Variants in MBD5 observed in about 807,000 individuals in gnomAD.
MBD5 encodes methyl-CpG-binding domain protein 5.
MBD5 carries 13 observed loss-of-function variants against 117.3 expected under a neutral mutation model. The ratio of observed to expected loss-of-function variants is 0.11; its 90% CI spans 0.07 to 0.18. The LOEUF (loss-of-function observed/expected upper bound fraction) is 0.18, where lower values mean the gene tolerates loss of function less well. MBD5 is among the 10% of genes least tolerant of loss of function. The probability of loss-of-function intolerance (pLI) is 1.00; values close to 1 mark genes in which losing one functional copy is unlikely to be tolerated. For missense variants in MBD5, 1,879 were observed against 2,093.8 expected (o/e 0.90, Z 2.00); for synonymous variants, 727 against 766.4 (o/e 0.95, Z 0.85).
chr2:148,100,340 C>T (rs770257741), intron 1 of MBD5, among the ~76,000 whole-genome samples: 2 of 152,150 alleles, frequency 1.3e-5, no homozygotes, highest in African/African-American at 4.8e-5. Context: ...TCAGATTTTC[C>T]TATAAGTTCA....
chr2:148,489,425 A>T lies in MBD5; in HGVS notation c.3793A>T (p.Ile1265Leu), dbSNP rs774513612. The T allele has an allele frequency of 1.3e-5, 21 of 1,614,102 alleles. No homozygotes were observed. The Admixed American group carries it at 2.2e-4, about 17-fold the overall frequency. Residue 1265 changes from isoleucine (I) to leucine (L), a missense_variant, in exon 11 of 14, where the codon ATA becomes TTA. Ile to Leu is a conservative substitution (Grantham distance 5). This residue lies in a region of MBD5 where 1,666 missense variants were observed against 1,792.2 expected (regional missense o/e 0.93). Coordinates refer to ENST00000642680, the MANE Select transcript of MBD5 (RefSeq NM_001378120.1). ...QEDAALLNKRISTQPGLTALP... is the reference protein window; with the variant it reads ...QEDAALLNKRLSTQPGLTALP... ...AGATGCAGCTCTCCTAAACAAAAGA[A>T]TAAGCACTCAGCCTGGGCTCACAGC...
chr2:148,405,163 A>G (rs1705038048), intron 4 of MBD5, among the ~76,000 whole-genome samples: 1 of 152,174 alleles, frequency 6.6e-6, no homozygotes, highest in Non-Finnish European at 1.5e-5. Context: ...TGTGCTAAGC[A>G]CTGGAAATAA....
intron 2 of MBD5, among the ~76,000 whole-genome samples, chr2:148,194,760 TAAGAAAA>T (rs1372185709): frequency 8.8e-4 from 22 of 25,104 alleles, no homozygotes; most frequent in African/African-American, 1.0e-3. Flanking sequence ...TAGAGTATAA[TAAGAAAA>T]AAAAAAAAAT....
intron 4 of MBD5, among the ~76,000 whole-genome samples, chr2:148,380,563 A>T (rs1321763517): frequency 6.6e-6 from 1 of 152,214 alleles, no homozygotes; most frequent in Non-Finnish European, 1.5e-5. Flanking sequence ...AACATGTAAA[A>T]TTTATATATA....
chr2:148,466,964 T>G (rs1218185913), intron 7 of MBD5, among the ~76,000 whole-genome samples: 2 of 152,202 alleles, frequency 1.3e-5, no homozygotes, highest in African/African-American at 4.8e-5. Context: ...TAATCTTAAA[T>G]GTGTAATTAT....
At chr2:148,456,780 T>C (rs940538830) in intron 4 of MBD5, among the ~76,000 whole-genome samples, 5 of 152,168 alleles carry the variant, frequency 3.3e-5, no homozygotes, top group Non-Finnish European at 5.9e-5. Flanking sequence ...CCTGCCAGTG[T>C]TTGCCACGTC....
chr2:148,059,016 GT>G (rs530607223), intron 1 of MBD5, among the ~76,000 whole-genome samples: 5 of 151,916 alleles, frequency 3.3e-5, no homozygotes, highest in African/African-American at 9.7e-5. Context: ...CTTGCACATA[GT>G]TTTTTTTACA....
intron 1 of MBD5, among the ~76,000 whole-genome samples, chr2:148,131,290 T>TGTA (rs1697041062): frequency 6.6e-6 from 1 of 152,208 alleles, no homozygotes; most frequent in Non-Finnish European, 1.5e-5. Flanking sequence ...GTTACCTAGA[T>TGTA]ACGCTGTATG....
chr2:148,460,622 C>T (rs1707039024), intron 5 of MBD5, among the ~76,000 whole-genome samples: 1 of 152,164 alleles, frequency 6.6e-6, no homozygotes, highest in African/African-American at 2.4e-5. Context: ...AATTTTCCAC[C>T]TACTTCCAAT....
At chr2:148,273,656 A>G (rs1249513489) in intron 3 of MBD5, among the ~76,000 whole-genome samples, 1 of 152,104 alleles carries the variant, frequency 6.6e-6, no homozygotes, top group Non-Finnish European at 1.5e-5. Context: ...CTAGCCTTCT[A>G]CCCACCAAAC....
intron 4 of MBD5, among the ~76,000 whole-genome samples, chr2:148,434,572 G>A (rs1706097832): frequency 6.6e-6 from 1 of 152,060 alleles, no homozygotes; most frequent in Non-Finnish European, 1.5e-5. Flanking sequence ...GGTTTTGAGT[G>A]ATTATCTTAC....
chr2:148,214,271 G>A (rs1240298831), intron 2 of MBD5, among the ~76,000 whole-genome samples: 1 of 152,182 alleles, frequency 6.6e-6, no homozygotes, highest in African/African-American at 2.4e-5. Context: ...TAGTGTGAAA[G>A]CAGCCATAGG....
intron 3 of MBD5, among the ~76,000 whole-genome samples, chr2:148,277,505 T>C (rs1460408678): frequency 6.6e-6 from 1 of 152,188 alleles, no homozygotes; most frequent in East Asian, 1.9e-4. Context: ...TGTAACTTAT[T>C]TTTTAGAGAC....
intron 9 of MBD5, among the ~76,000 whole-genome samples, chr2:148,484,830 T>G (rs1019289996): frequency 1.2e-4 from 19 of 152,226 alleles, no homozygotes; most frequent in African/African-American, 4.3e-4. Context: ...TAATATAAAG[T>G]GTGGGGATGG....
chr2:148,404,339 A>G (rs1574387999), intron 4 of MBD5, among the ~76,000 whole-genome samples: 1 of 151,182 alleles, frequency 6.6e-6, no homozygotes, highest in South Asian at 2.1e-4. Flanking sequence ...ATTCTACCCT[A>G]TACCTACGAG....
chr2:148,427,287 C>A (rs1444340601), intron 4 of MBD5, among the ~76,000 whole-genome samples: 1 of 152,146 alleles, frequency 6.6e-6, no homozygotes, highest in Non-Finnish European at 1.5e-5. Flanking sequence ...TTCGACCCAG[C>A]CATCCCATTA....
At chr2:148,284,384 G>T (rs1326328072) in intron 3 of MBD5, among the ~76,000 whole-genome samples, 4 of 152,152 alleles carry the variant, frequency 2.6e-5, no homozygotes, top group African/African-American at 9.7e-5. Context: ...AAGAGTGAAT[G>T]CATTTTTTAA....
intron 1 of MBD5, among the ~76,000 whole-genome samples, chr2:148,109,598 C>T (rs1007086292): frequency 7.9e-5 from 12 of 151,876 alleles, no homozygotes; most frequent in African/African-American, 2.9e-4. Flanking sequence ...TTTTAAAAGC[C>T]ACGATTATAT....
rs891737897 is a variant in MBD5, at chr2:148,111,061, A to AT, written c.-924-67633dup. On this transcript the variant is annotated intron_variant, in intron 1 of 13. Coordinates refer to ENST00000642680, the MANE Select transcript of MBD5 (RefSeq NM_001378120.1). ...GGCTTCTGTTTTCAATTAGTTCATT[A>AT]TTTTTTAATGTAAGGACATGCTCAA... Among the ~76,000 whole-genome samples the AT allele has an allele frequency of 6.6e-5, 10 of 152,156 alleles. No individual in the cohort carries two copies. In the South Asian group the frequency reaches 1.5e-3, roughly 22 times the overall value.
Sources: gnomAD v4.1 joint callset for allele counts (sites outside exome capture counted in the v4.1 genomes callset) on GRCh38, gnomAD v4.1.1 for gene constraint, gnomAD v4.1.1 regional missense constraint, MANE v1.5 for transcripts, NCBI Gene and HGNC (gene_info 2026-07-23, HGNC 2026-07-21) for gene names.